Variants in UTP20 observed in about 807,000 individuals in gnomAD.
UTP20 encodes small subunit processome component 20 homolog.
A neutral mutation model predicts 329.5 loss-of-function variants in UTP20; 164 were observed. That is an observed-to-expected ratio of 0.50 (90% CI 0.44 to 0.57). The LOEUF is 0.57. UTP20 is among the 20% of genes least tolerant of loss of function. The pLI is 0.00. For synonymous variants in UTP20, 1,151 were observed against 1,159.3 expected (o/e 0.99, Z 0.14); for missense variants, 3,055 against 3,284.2 (o/e 0.93, Z 1.71).
chr12:101,330,234 C>G (rs12298556), intron 27 of UTP20, among the ~76,000 whole-genome samples: 3,086 of 152,148 alleles, frequency 0.02, 115 homozygotes, highest in African/African-American at 0.072. Flanking sequence ...TGAGCTTACA[C>G]CTCACCATGA....
At chr12:101,312,419 TTTTG>T (rs1248379464) in intron 21 of UTP20, 143 bp downstream of exon 21, 26 of 1,265,030 alleles carry the variant, frequency 2.1e-5, no homozygotes, top group East Asian at 7.3e-5. Context: ...CTGAGGTATT[TTTTG>T]TTTGTTTGTT....
chr12:101,308,329 G>A lies in UTP20; in HGVS notation c.2140G>A (p.Gly714Arg). 1.3e-6 allele frequency: 2 copies of A among 1,536,972 alleles called. No individual in the cohort carries two copies. The highest frequency in any genetic ancestry group is 8.8e-7 in the Non-Finnish European group (1 of 1,141,618). Residue 714 changes from glycine (G) to arginine (R), a missense_variant, in exon 18 of 62, where the codon GGG becomes AGG. Transcript: ENST00000261637. ...TGTGGTACAGACTGCTGTCCCTGATGGGCCGTTACAGGAGGTAAAAATAGT... is the reference window on the plus strand; with the variant it reads ...TGTGGTACAGACTGCTGTCCCTGATAGGCCGTTACAGGAGGTAAAAATAGT... ...HDVVQTAVPD[G>R]PLQEVPLRYL...
Position 101,375,661 on chromosome 12 carries a change from T to C in UTP20, c.7301T>C (p.Leu2434Pro). 6.2e-7 allele frequency: 1 copy of C among 1,612,244 alleles called. No homozygotes were observed. Among genetic ancestry groups the C allele is most frequent in the Non-Finnish European group, 8.5e-7 (1 of 1,179,414 alleles). ...EETEEKAADR[L>P]LFSFLTLITK... ...ACTGAAGAAAAAGCTGCAGATCGCCTTCTGTTTAGTTTTCTTACACTGATA... is the reference window on the plus strand; with the variant it reads ...ACTGAAGAAAAAGCTGCAGATCGCCCTCTGTTTAGTTTTCTTACACTGATA... Residue 2434 changes from leucine (L) to proline (P), a missense_variant, in exon 56 of 62, where the codon CTT (leucine) becomes CCT (proline). Around this residue, in one of 3 missense-constraint regions of UTP20, gnomAD observed 273 missense variants for 363.1 expected, o/e 0.75. Transcript: ENST00000261637.
Position 101,312,199 on chromosome 12 carries a change from G to T in UTP20, c.2475G>T (p.Trp825Cys). Reference sequence around the variant, plus strand: ...ACACCAACTTCAGATTCCTGCTCTGGAGAGCTCTGACCAAATTCCCAGAAA... The same window carrying T: ...ACACCAACTTCAGATTCCTGCTCTGTAGAGCTCTGACCAAATTCCCAGAAA... ...LDHTNFRFLL[W>C]RALTKFPERV... Residue 825 changes from tryptophan to cysteine, a missense_variant, in exon 21 of 62, where the codon TGG becomes TGT. Trp to Cys is a radical substitution (Grantham distance 215). This residue lies in a region of UTP20 where 2,445 missense variants were observed against 2,575.5 expected (regional missense o/e 0.95). Coordinates refer to ENST00000261637, the MANE Select transcript of UTP20 (RefSeq NM_014503.3). 1.2e-6 allele frequency: 2 copies of T among 1,614,172 alleles called. No homozygotes were observed. Among genetic ancestry groups the T allele is most frequent in the Non-Finnish European group, 1.7e-6 (2 of 1,180,032 alleles).
At chr12:101,310,404 C>G (rs1391120141) in intron 19 of UTP20, among the ~76,000 whole-genome samples, 2 of 151,688 alleles carry the variant, frequency 1.3e-5, no homozygotes, top group Non-Finnish European at 2.9e-5. Flanking sequence ...GGAGAAACAC[C>G]ATTTCTACTA....
chr12:101,340,600 A>G lies in UTP20; in HGVS notation c.4091A>G (p.Asn1364Ser), dbSNP rs1260956614. 8.7e-6 allele frequency: 14 copies of G among 1,609,938 alleles called. No homozygotes were observed. Among genetic ancestry groups the G allele is most frequent in the Admixed American group, 3.3e-5 (2 of 59,764 alleles). ...TLLLPFLHRG[N>S]IAEDTEVDIL... ...CTCCTTCCATTCCTCCACCGTGGCA[A>G]TATTGCTGAGGTACAAACTCATAGG... The change falls in exon 32 of 62, where the codon AAT becomes AGT. Residue 1364 changes from asparagine (N) to serine (S), a missense_variant. Physicochemically the swap from Asn to Ser is conservative, Grantham distance 46. Around this residue, in one of 3 missense-constraint regions of UTP20, gnomAD observed 2,445 missense variants for 2,575.5 expected, o/e 0.95. Coordinates refer to ENST00000261637, the MANE Select transcript of UTP20 (RefSeq NM_014503.3).
intron 36 of UTP20, among the ~76,000 whole-genome samples, chr12:101,345,277 G>T (rs2120945860): frequency 6.6e-6 from 1 of 151,368 alleles, no homozygotes; most frequent in Non-Finnish European, 1.5e-5. Flanking sequence ...TAGCTGTCAG[G>T]TTTTTTTTGT....
chr12:101,287,563 T>A (rs1271772267), intron 5 of UTP20, among the ~76,000 whole-genome samples: 1 of 152,242 alleles, frequency 6.6e-6, no homozygotes, highest in Non-Finnish European at 1.5e-5. Context: ...TCCTCTTATC[T>A]GTACATTCAT....
chr12:101,333,974 CTT>C (rs1374779098), intron 28 of UTP20, among the ~76,000 whole-genome samples: 1 of 152,134 alleles, frequency 6.6e-6, no homozygotes, highest in Non-Finnish European at 1.5e-5. Context: ...TGTAACATGA[CTT>C]TTATAGCACC....
At chr12:101,377,041 A>G (rs1870498504) in intron 56 of UTP20, among the ~76,000 whole-genome samples, 1 of 152,118 alleles carries the variant, frequency 6.6e-6, no homozygotes, top group African/African-American at 2.4e-5. Context: ...TCAGCCTCCC[A>G]AAGTGCTGGG....
At chr12:101,321,763 G>T in intron 25 of UTP20, 134 bp downstream of exon 25, 2 of 1,159,124 alleles carry the variant, frequency 1.7e-6, no homozygotes, top group Non-Finnish European at 2.3e-6. Flanking sequence ...ATTTTCTTTG[G>T]AGATGGGGTC....
rs1871756521 is a variant in UTP20 at position 101,280,421 on chromosome 12, G to A, written c.45+94G>A. 3 of 1,461,354 alleles carry A rather than the reference G, an allele frequency of 2.1e-6. No individual in the cohort carries two copies. In the South Asian group the frequency reaches 3.7e-5, roughly 18 times the overall value. The allele number at this position is 1,461,354 out of a possible 1,614,324, so 90.5% of individuals were successfully genotyped here. A position where few individuals can be genotyped will look rare whatever the true frequency, so the allele number is the denominator to read the frequency against. On this transcript the variant is annotated intron_variant, in intron 1 of 61. Transcript: ENST00000261637. Reference sequence around the variant, plus strand: ...GAGACTCCAGGGGCCTCAGACTTCTGGGCCGAGTGTGTCACTTTCCTGGAG... The same window carrying A: ...GAGACTCCAGGGGCCTCAGACTTCTAGGCCGAGTGTGTCACTTTCCTGGAG...
In UTP20 at chr12:101,383,175, G is replaced by A; in HGVS notation, c.7791G>A (p.Glu2597=). Residue 2597 remains glutamate, a synonymous_variant, in exon 59 of 62, where the codon GAG becomes GAA. Transcript: ENST00000261637. ...AAGATGGTGTGGCCTGTGCAGATGA[G>A]AAGGCGGAGTCTGACGGAGAAGAGA... is the stretch of plus-strand genomic sequence containing the variant. The part of the protein sequence containing the change: ...ALEDGVACAD[E]KAESDGEEKE... 4 of 1,614,044 alleles carry A rather than the reference G, an allele frequency of 2.5e-6. No homozygotes were observed. Among genetic ancestry groups the A allele is most frequent in the Non-Finnish European group, 3.4e-6 (4 of 1,179,920 alleles).
intron 35 of UTP20, among the ~76,000 whole-genome samples, chr12:101,344,108 T>C (rs4764646): frequency 0.58 from 87,884 of 152,014 alleles, 28,018 homozygotes; most frequent in East Asian, 0.94. Flanking sequence ...ATAATCTCCC[T>C]GTTTTATACT....
chr12:101,296,934 GC>G (rs1490392283), intron 12 of UTP20, among the ~76,000 whole-genome samples: 2 of 152,262 alleles, frequency 1.3e-5, no homozygotes, highest in African/African-American at 4.8e-5. Flanking sequence ...AAGTGGGTAT[GC>G]TTCTAGAAAC....
chr12:101,383,165 G>A lies in UTP20; in HGVS notation c.7781G>A (p.Cys2594Tyr), dbSNP rs751749567. The A allele has an allele frequency of 6.2e-7, 1 of 1,613,976 alleles. No homozygotes were observed. The highest frequency in any genetic ancestry group is 1.1e-5 in the South Asian group (1 of 91,084). ...GAAGCTTTAGAAGATGGTGTGGCCT[G>A]TGCAGATGAGAAGGCGGAGTCTGAC... Reference protein sequence around the residue: ...EQEALEDGVACADEKAESDGE... With the variant: ...EQEALEDGVAYADEKAESDGE... Residue 2594 changes from cysteine (C) to tyrosine (Y), a missense_variant, in exon 59 of 62, where the codon TGT becomes TAT. This residue lies in a region of UTP20 where 337 missense variants were observed against 345.5 expected (regional missense o/e 0.98). Transcript: ENST00000261637.
rs751467658 is a variant in UTP20, at chr12:101,386,149, G to A, written c.*26G>A. 1 of 1,576,330 alleles carries A rather than the reference G, an allele frequency of 6.3e-7. No individual in the cohort carries two copies. The highest frequency in any genetic ancestry group is 8.6e-7 in the Non-Finnish European group (1 of 1,168,274). On this transcript the variant is annotated 3_prime_UTR_variant, in exon 62 of 62. Coordinates refer to ENST00000261637, the MANE Select transcript of UTP20 (RefSeq NM_014503.3). Reference sequence around the variant, plus strand: ...TGTCTCCCTGTGCTGATACAAGCATGAACTTTCTGGAATATTCTGCTAGTC... The same window carrying A: ...TGTCTCCCTGTGCTGATACAAGCATAAACTTTCTGGAATATTCTGCTAGTC...
chr12:101,281,950 G>T (rs1398280575), intron 2 of UTP20, among the ~76,000 whole-genome samples: 2 of 152,186 alleles, frequency 1.3e-5, no homozygotes, highest in Middle Eastern at 3.4e-3. Context: ...TGATCTGCTC[G>T]CCTTGGCCTC....
chr12:101,300,916 A>G (rs1001013768), intron 14 of UTP20, among the ~76,000 whole-genome samples: 5 of 152,196 alleles, frequency 3.3e-5, no homozygotes, highest in African/African-American at 1.2e-4. Context: ...AAATTCTGTT[A>G]TACAGCACTG....
Sources: allele counts gnomAD v4.1 joint callset (sites outside exome capture counted in the v4.1 genomes callset), GRCh38; gene constraint gnomAD v4.1.1; regional missense constraint gnomAD v4.1.1; transcripts MANE v1.5; gene names NCBI Gene and HGNC (gene_info 2026-07-23, HGNC 2026-07-21).